Variants in GON4L observed in about 807,000 individuals in gnomAD.
GON4L encodes gon-4 like.
GON4L carries 87 observed loss-of-function variants against 211.8 expected under a neutral mutation model. The observed-to-expected ratio is 0.41, with a 90% CI of 0.35 to 0.49. GON4L has a LOEUF of 0.49. Among genes scored for constraint, GON4L ranks in the 20% least tolerant of loss-of-function variants. GON4L has a pLI of 0.15. For missense variants in GON4L, 2,155 were observed against 2,659.5 expected, an observed-to-expected ratio of 0.81 and a Z score of 4.17; for synonymous variants, 875 against 962.6, an observed-to-expected ratio of 0.91 and a Z score of 1.68.
intron 3 of GON4L, among the ~76,000 whole-genome samples, chr1:155,822,798 CTTTT>C (rs1418704415): frequency 6.6e-6 from 1 of 152,050 alleles, no homozygotes; most frequent in Non-Finnish European, 1.5e-5. Flanking sequence ...ATTTTTCTTT[CTTTT>C]GTTTTTTTGA....
At chr1:155,759,531 G>A (rs903778619) in intron 24 of GON4L, among the ~76,000 whole-genome samples, 4 of 151,142 alleles carry the variant, frequency 2.6e-5, no homozygotes, top group South Asian at 2.1e-4. Context: ...CCGAGATCAC[G>A]CCACTGCACT....
chr1:155,814,273 T>C, intron 9 of GON4L, 57 bp downstream of exon 9: 1 of 1,512,016 alleles, frequency 6.6e-7, no homozygotes, highest in Non-Finnish European at 9.2e-7. Flanking sequence ...CTTATACAGT[T>C]AAAAAATCTA....
At chr1:155,854,293 C>T (rs1381951599) in intron 1 of GON4L, among the ~76,000 whole-genome samples, 1 of 152,174 alleles carries the variant, frequency 6.6e-6, no homozygotes, top group Non-Finnish European at 1.5e-5. Context: ...GCTGGGACTA[C>T]AGGCGTGCAC....
chr1:155,748,551 G>T (rs949883996), downstream of GON4L: 4 of 1,613,724 alleles, frequency 2.5e-6, no homozygotes, highest in Non-Finnish European at 3.4e-6. Flanking sequence ...TTTGTGAGGG[G>T]TTGGGTCAGT....
At chr1:155,751,204 C>T (rs1191437799) in intron 31 of GON4L, among the ~76,000 whole-genome samples, 2 of 152,104 alleles carry the variant, frequency 1.3e-5, no homozygotes, top group Non-Finnish European at 2.9e-5. Flanking sequence ...ATGTTTTGCC[C>T]AAAGTCACAC....
At chr1:155,817,635 C>T (rs908510643) in intron 6 of GON4L, among the ~76,000 whole-genome samples, 5 of 152,230 alleles carry the variant, frequency 3.3e-5, no homozygotes, top group South Asian at 4.1e-4. Flanking sequence ...TTAAGAAGGC[C>T]AAGTATAGCG....
intron 19 of GON4L, among the ~76,000 whole-genome samples, chr1:155,768,309 C>CAAAA (rs71080724): frequency 4.4e-5 from 5 of 112,646 alleles, no homozygotes; most frequent in East Asian, 2.6e-4. Flanking sequence ...GACTCCGTCT[C>CAAAA]AAAAAAAAAA....
chr1:155,747,026 G>C, downstream of GON4L: 1 of 1,602,292 alleles, frequency 6.2e-7, no homozygotes, highest in Non-Finnish European at 8.5e-7. Flanking sequence ...TCGGTGAACA[G>C]AAAGGAGGCT....
At chr1:155,846,284 A>AG (rs905823610) in intron 2 of GON4L, 3 of 171,364 alleles carry the variant, frequency 1.8e-5, no homozygotes, top group African/African-American at 7.1e-5. Flanking sequence ...GCACTTTGGG[A>AG]GGCCGAGGCG....
rs1309872952 is a variant in GON4L at position 155,792,149 on chromosome 1, G to T, written c.1747+2901C>A. On this transcript the variant is annotated intron_variant, in intron 12 of 31. Transcript: ENST00000368331. The stretch of plus-strand genomic sequence containing the variant: ...GAAGGTATACAAACAGGACTAAAAA[G>T]GCCACCTCAGAGGAGGTGTAAACAA... Among the ~76,000 whole-genome samples, 6 of 152,200 alleles carry T rather than the reference G, an allele frequency of 3.9e-5. No homozygotes were observed. In the East Asian group the frequency reaches 1.2e-3, roughly 29 times the overall value.
Position 155,821,481 on chromosome 1 carries a change from G to A in GON4L, c.956C>T (p.Pro319Leu). The A allele has an allele frequency of 6.4e-7, 1 of 1,573,158 alleles. No individual in the cohort carries two copies. Among genetic ancestry groups the A allele is most frequent in the Non-Finnish European group, 8.7e-7 (1 of 1,142,870 alleles). ...TGATAATCAACTACTCACAAACATT[G>A]GCATATCTTCCGTCTCACTGATGGC... is the stretch of plus-strand genomic sequence containing the variant. ...KAAISETEDM[P>L]MFEPKMTRSK... The change falls in exon 5 of 32, where the codon CCA (proline) becomes CTA (leucine). Residue 319 changes from proline to leucine, a missense_variant. By Grantham distance (98) the Pro-to-Leu change is moderately conservative. Around this residue, in one of 6 missense-constraint regions of GON4L, gnomAD observed 551 missense variants for 854.0 expected, o/e 0.65. Transcript: ENST00000368331.
chr1:155,804,832 T>C, intron 11 of GON4L, 117 bp downstream of exon 11: 1 of 797,006 alleles, frequency 1.3e-6, no homozygotes, highest in Non-Finnish European at 2.2e-6. Context: ...AAATTATCAG[T>C]TAAATACAAA....
At chr1:155,804,838 A>G in intron 11 of GON4L, 111 bp downstream of exon 11, 1 of 815,920 alleles carries the variant, frequency 1.2e-6, no homozygotes, top group South Asian at 1.4e-5. Flanking sequence ...TCAGTTAAAT[A>G]CAAATTAAAT....
chr1:155,757,357 C>G, intron 25 of GON4L, 34 bp from the exon 26 acceptor site: 3 of 1,603,764 alleles, frequency 1.9e-6, no homozygotes, highest in Non-Finnish European at 2.6e-6. Context: ...GAGGAAGTCT[C>G]CAGAGCCTCT....
chr1:155,841,116 A>G (rs1670735493), intron 2 of GON4L, among the ~76,000 whole-genome samples: 2 of 152,272 alleles, frequency 1.3e-5, no homozygotes, highest in African/African-American at 2.4e-5. Flanking sequence ...ATGAATTAAT[A>G]TAACTTATTC....
chr1:155,816,859 G>C (rs1668297663), intron 6 of GON4L, among the ~76,000 whole-genome samples: 1 of 148,294 alleles, frequency 6.7e-6, no homozygotes. Flanking sequence ...CAATAGTACA[G>C]GAAAAAACAA....
chr1:155,770,443 T>A (rs1167703847), intron 19 of GON4L, among the ~76,000 whole-genome samples: 1 of 152,156 alleles, frequency 6.6e-6, no homozygotes, highest in African/African-American at 2.4e-5. Flanking sequence ...AGTGGAAGGA[T>A]CACTTGAACC....
downstream of GON4L, among the ~76,000 whole-genome samples, chr1:155,748,976 AGGCATGGT>A (rs1660359990): frequency 6.6e-6 from 1 of 152,152 alleles, no homozygotes; most frequent in Non-Finnish European, 1.5e-5. Flanking sequence ...TTCTTGGGCT[AGGCATGGT>A]GGCTGACGCC....
intron 12 of GON4L, among the ~76,000 whole-genome samples, chr1:155,789,324 T>C (rs1239016129): frequency 6.6e-6 from 1 of 152,074 alleles, no homozygotes; most frequent in African/African-American, 2.4e-5. Context: ...GAGCTCTAGT[T>C]CATTATATGC....
Sources: gnomAD v4.1 joint callset for allele counts (sites outside exome capture counted in the v4.1 genomes callset) on GRCh38, gnomAD v4.1.1 for gene constraint, gnomAD v4.1.1 regional missense constraint, MANE v1.5 for transcripts, NCBI Gene and HGNC (gene_info 2026-07-23, HGNC 2026-07-21) for gene names.